LARP1: variants seen among roughly 807,000 people sequenced by gnomAD.
LARP1 encodes La ribonucleoprotein 1, translational regulator.
A neutral mutation model predicts 122.7 loss-of-function variants in LARP1; 36 were observed. The ratio of observed to expected loss-of-function variants is 0.29; its 90% CI spans 0.22 to 0.39. The LOEUF (loss-of-function observed/expected upper bound fraction) is 0.39, where lower values mean the gene tolerates loss of function less well. LARP1 is among the 10% of genes least tolerant of loss of function. The probability of loss-of-function intolerance (pLI) is 1.00; values close to 1 mark genes in which losing one functional copy is unlikely to be tolerated. For synonymous variants in LARP1, 539 were observed against 528.7 expected (o/e 1.02, Z -0.27); for missense variants, 1,040 against 1,403.6 (o/e 0.74, Z 4.14).
intron 1 of LARP1, among the ~76,000 whole-genome samples, chr5:154,760,665 CAGTTTA>C (rs1754377861): frequency 2.0e-5 from 3 of 152,164 alleles, no homozygotes; most frequent in African/African-American, 7.2e-5. Context: ...ATCCAACTGC[CAGTTTA>C]TAGGGAAATG....
At chr5:154,740,295 A>G (rs1432404996) in intron 1 of LARP1, among the ~76,000 whole-genome samples, 2 of 150,242 alleles carry the variant, frequency 1.3e-5, no homozygotes, top group Non-Finnish European at 3.0e-5. Flanking sequence ...GGGGAGGCTG[A>G]GGCAGGAGAA....
chr5:154,725,901 T>G (rs1756179345), intron 1 of LARP1, among the ~76,000 whole-genome samples: 1 of 152,080 alleles, frequency 6.6e-6, no homozygotes, highest in Non-Finnish European at 1.5e-5. Context: ...AGTACAGTGG[T>G]ACAATCTCGG....
chr5:154,711,382 C>T (rs1298201770), upstream of LARP1, among the ~76,000 whole-genome samples: 1 of 152,048 alleles, frequency 6.6e-6, no homozygotes, highest in Non-Finnish European at 1.5e-5. Flanking sequence ...CCTCGTGATC[C>T]GCCCACCTCA....
chr5:154,700,780 T>G (rs1754676207), intron 1 of LARP1, among the ~76,000 whole-genome samples: 1 of 151,740 alleles, frequency 6.6e-6, no homozygotes, highest in Non-Finnish European at 1.5e-5. Context: ...CATGCCACAA[T>G]GCCTGGCTAA....
At chr5:154,726,031 G>A (rs961185146) in intron 1 of LARP1, among the ~76,000 whole-genome samples, 41 of 152,218 alleles carry the variant, frequency 2.7e-4, no homozygotes, top group Non-Finnish European at 1.5e-5. Flanking sequence ...GTAGAGACGG[G>A]TTATCTCCAT....
In LARP1 at chr5:154,811,605, G is replaced by C; in HGVS notation, c.3046G>C (p.Gly1016Arg). The C allele has an allele frequency of 6.2e-7, 1 of 1,614,100 alleles. No homozygotes were observed. ...DIDPKLQEYL[G>R]KFRRLEDFRV... is the part of the protein sequence containing the mutation. The stretch of plus-strand genomic sequence containing the variant: ...TGACCCCAAACTGCAAGAATACCTC[G>C]GCAAATTCCGACGTCTTGAAGACTT... The change falls in exon 18 of 19, where the codon GGC becomes CGC. Residue 1016 changes from glycine to arginine, a missense_variant. By Grantham distance (125) the Gly-to-Arg change is moderately radical. Coordinates refer to ENST00000518297, the MANE Select transcript of LARP1 (RefSeq NM_033551.3).
chr5:154,724,216 G>C (rs1005573445), intron 1 of LARP1, among the ~76,000 whole-genome samples: 4 of 152,182 alleles, frequency 2.6e-5, no homozygotes, highest in Non-Finnish European at 5.9e-5. Flanking sequence ...CCTATTTACA[G>C]ATCCAGTTAC....
chr5:154,690,312 C>G (rs1435449456), intron 1 of LARP1, among the ~76,000 whole-genome samples: 1 of 152,030 alleles, frequency 6.6e-6, no homozygotes, highest in Non-Finnish European at 1.5e-5. Flanking sequence ...CATGTAGGAT[C>G]GAGAAAAGGT....
rs921208867 is a variant in LARP1 at position 154,756,232 on chromosome 5, C to T, written c.436+39C>T. On this transcript the variant is annotated intron_variant, in intron 1 of 18. Coordinates refer to ENST00000518297, the MANE Select transcript of LARP1 (RefSeq NM_033551.3). ...CTTGCCCTCCTGGGTCCGGGGGCCTCTTCCGGGGACATGGGAGTCCCCTCC... is the reference window on the plus strand; with the variant it reads ...CTTGCCCTCCTGGGTCCGGGGGCCTTTTCCGGGGACATGGGAGTCCCCTCC... The T allele has an allele frequency of 3.5e-5, 42 of 1,201,588 alleles. No individual in the cohort carries two copies. The African/African-American group carries it at 6.4e-4, about 18-fold the overall frequency. 74.4% of individuals were successfully genotyped at this position (1,201,588 alleles called of 1,614,324 possible). A position where few individuals can be genotyped will look rare whatever the true frequency, so the allele number is the denominator to read the frequency against.
chr5:154,798,895 C>T (rs1223673147), intron 8 of LARP1, among the ~76,000 whole-genome samples: 5 of 151,960 alleles, frequency 3.3e-5, no homozygotes, highest in Non-Finnish European at 5.9e-5. Context: ...GACGGAGTCT[C>T]GCCCTGTCGC....
At chr5:154,768,609 TCTCA>T (rs1173621740) in intron 1 of LARP1, among the ~76,000 whole-genome samples, 1 of 152,210 alleles carries the variant, frequency 6.6e-6, no homozygotes, top group African/African-American at 2.4e-5. Flanking sequence ...TGAGACGAAG[TCTCA>T]CTCTGTTGCC....
At position 154,799,858 on chromosome 5, in the gene LARP1, C is replaced by T; in HGVS notation, c.1547-15C>T. The T allele has an allele frequency of 6.2e-7, 1 of 1,612,890 alleles. No individual in the cohort carries two copies. Among genetic ancestry groups the T allele is most frequent in the South Asian group, 1.1e-5 (1 of 90,980 alleles). On this transcript the variant is annotated splice_polypyrimidine_tract_variant and intron_variant, in intron 9 of 18. Transcript: ENST00000518297. ...AGGACTGGAGGGATGAGGACTTCCC[C>T]TTTCCACCCTTTAGAGTCGGCACCT...
chr5:154,767,417 C>G (rs1053976526), intron 1 of LARP1, among the ~76,000 whole-genome samples: 43 of 152,168 alleles, frequency 2.8e-4, no homozygotes, highest in Admixed American at 3.3e-4. Flanking sequence ...GGGTCCTCTT[C>G]CCCTTGATTG....
At chr5:154,745,404 T>G (rs185562604) in intron 1 of LARP1, among the ~76,000 whole-genome samples, 1 of 152,336 alleles carries the variant, frequency 6.6e-6, no homozygotes, top group Non-Finnish European at 1.5e-5. Flanking sequence ...CAGTGACCAC[T>G]ACCCCCTTTA....
intron 8 of LARP1, among the ~76,000 whole-genome samples, chr5:154,797,811 C>T (rs1310120845): frequency 6.6e-6 from 1 of 152,038 alleles, no homozygotes; most frequent in African/African-American, 2.4e-5. Flanking sequence ...GCCTCAGCCT[C>T]CTGAGTAGCA....
rs1383159681 is a variant in LARP1, at chr5:154,793,955, C to T, written c.1024C>T (p.Arg342Trp). ...GARASFRGRGRGRGRGRGRGR... is the reference protein window; with the variant it reads ...GARASFRGRGWGRGRGRGRGR... ...GCGGGCTTCCTTCCGTGGCCGTGGA[C>T]GGGGGCGTGGTCGCGGCCGGGGACG... is the stretch of plus-strand genomic sequence containing the variant. The change falls in exon 6 of 19, where the codon CGG (arginine) becomes TGG (tryptophan). Residue 342 changes from arginine to tryptophan, a missense_variant. Physicochemically the swap from Arg to Trp is moderately radical, Grantham distance 101 (BLOSUM62 -3). Transcript: ENST00000518297. The T allele has an allele frequency of 4.3e-6, 7 of 1,612,648 alleles. No homozygotes were observed. Among genetic ancestry groups the T allele is most frequent in the African/African-American group, 1.3e-5 (1 of 75,006 alleles).
intron 1 of LARP1, among the ~76,000 whole-genome samples, chr5:154,764,620 ACTGG>A (rs1283054357): frequency 1.4e-5 from 2 of 146,880 alleles, no homozygotes; most frequent in Admixed American, 6.8e-5. Flanking sequence ...AAAAAAAAAA[ACTGG>A]CTGGGCGTAG....
intron 13 of LARP1, 92 bp from the exon 14 acceptor site, chr5:154,804,109 G>A: frequency 1.1e-6 from 1 of 897,698 alleles, no homozygotes; most frequent in Non-Finnish European, 1.8e-6. Context: ...TAAAATGTGA[G>A]AGATCATGCC....
At chr5:154,779,484 C>A (rs1031154079) in intron 1 of LARP1, among the ~76,000 whole-genome samples, 1 of 148,672 alleles carries the variant, frequency 6.7e-6, no homozygotes, top group Non-Finnish European at 1.5e-5. Flanking sequence ...GGGTAGGGGT[C>A]GGACCCCCTC....
Sources: gnomAD v4.1 joint callset for allele counts (sites outside exome capture counted in the v4.1 genomes callset) on GRCh38, gnomAD v4.1.1 for gene constraint, MANE v1.5 for transcripts, NCBI Gene and HGNC (gene_info 2026-07-23, HGNC 2026-07-21) for gene names.